Variants in LYRM2 observed in about 807,000 individuals in gnomAD.
The protein encoded by LYRM2 is LYR motif containing 2.
A neutral mutation model predicts 11.6 loss-of-function variants in LYRM2; 8 were observed. The observed-to-expected ratio is 0.69, with a 90% CI of 0.40 to 1.24. The LOEUF (loss-of-function observed/expected upper bound fraction) is 1.24, where lower values mean the gene tolerates loss of function less well. LYRM2 is among the 50% of genes most tolerant of loss of function. The probability of loss-of-function intolerance (pLI) is 0.01; values close to 1 mark genes in which losing one functional copy is unlikely to be tolerated. For synonymous variants in LYRM2, 30 were observed against 36.4 expected (o/e 0.83, Z 0.63); for missense variants, 117 against 102.9 (o/e 1.14, Z -0.59).
intron 1 of LYRM2, 158 bp downstream of exon 1, chr6:89,638,514 C>T (rs965440986): frequency 6.5e-7 from 1 of 1,540,816 alleles, no homozygotes; most frequent in Non-Finnish European, 8.8e-7. Flanking sequence ...CGTCAGGCCC[C>T]GCGGAGCGAA....
intron 2 of LYRM2, among the ~76,000 whole-genome samples, 161 bp from the exon 3 acceptor site, chr6:89,637,514 C>A (rs1378901119): frequency 1.3e-5 from 2 of 152,122 alleles, no homozygotes; most frequent in Admixed American, 1.3e-4. Flanking sequence ...AAATGTACAA[C>A]ATAAAAGTCA....
At chr6:89,638,144 C>T in intron 1 of LYRM2, 2 of 629,410 alleles carry the variant, frequency 3.2e-6, no homozygotes, top group Non-Finnish European at 4.7e-6. Flanking sequence ...CTACTGCACT[C>T]AGCCTGGGCG....
At chr6:89,637,644 T>G (rs1164378815) in intron 2 of LYRM2, 98 bp downstream of exon 2, 54 of 1,143,744 alleles carry the variant, frequency 4.7e-5, no homozygotes, top group Non-Finnish European at 6.6e-5. Flanking sequence ...ACCAGCTCAG[T>G]GGCACTATAT....
At position 89,632,597 on chromosome 6, in the gene LYRM2, A is replaced by G. The variant is rs1310954950; in HGVS notation, c.*4676T>C. The G allele has an allele frequency of 6.6e-6, 1 of 152,122 alleles. No individual in the cohort carries two copies. Among genetic ancestry groups the G allele is most frequent in the Non-Finnish European group, 1.5e-5 (1 of 68,016 alleles). The allele number at this position is 152,122 out of a possible 1,614,324, so 9.4% of individuals were successfully genotyped here. ...CAGTCCTGGCTAATTTTTTGTAGATATAAGGTCTCATGATATTGCCCAGGC... is the reference window on the plus strand; with the variant it reads ...CAGTCCTGGCTAATTTTTTGTAGATGTAAGGTCTCATGATATTGCCCAGGC... On this transcript the variant is annotated 3_prime_UTR_variant, in exon 3 of 3. Coordinates refer to ENST00000523377, the MANE Select transcript of LYRM2 (RefSeq NM_020466.5).
rs541752768 is a variant in LYRM2, at chr6:89,632,755, A to G, written c.*4518T>C. 6.6e-6 allele frequency: 1 copy of G among 152,238 alleles called. No individual in the cohort carries two copies. The highest frequency in any genetic ancestry group is 6.5e-5 in the Admixed American group (1 of 15,300). The allele number at this position is 152,238 out of a possible 1,614,324, so 9.4% of individuals were successfully genotyped here. On this transcript the variant is annotated 3_prime_UTR_variant, in exon 3 of 3. Coordinates refer to ENST00000523377, the MANE Select transcript of LYRM2 (RefSeq NM_020466.5). Reference sequence around the variant, plus strand: ...TATAGAGGCACTTTCTCATTTCCCTATTGTTCCTAATACAGAATTGTAGAG... The same window carrying G: ...TATAGAGGCACTTTCTCATTTCCCTGTTGTTCCTAATACAGAATTGTAGAG...
At position 89,634,811 on chromosome 6, in the gene LYRM2, CAA is replaced by C. The variant is rs751143543; in HGVS notation, c.*2460_*2461del. On this transcript the variant is annotated 3_prime_UTR_variant, in exon 3 of 3. Coordinates refer to ENST00000523377, the MANE Select transcript of LYRM2 (RefSeq NM_020466.5). Reference sequence around the variant, plus strand: ...TGGCACTTTTTTATTTTTTTTGAGACAAGAGTCTCACTCTTTCGCCCAGGCTG... The same window carrying C: ...TGGCACTTTTTTATTTTTTTTGAGACGAGTCTCACTCTTTCGCCCAGGCTG... 6 of 152,080 alleles carry C rather than the reference CAA, an allele frequency of 3.9e-5. No individual in the cohort carries two copies. Among genetic ancestry groups the C allele is most frequent in the Non-Finnish European group, 7.3e-5 (5 of 68,052 alleles). 9.4% of individuals were successfully genotyped at this position (152,080 alleles called of 1,614,324 possible). A position where few individuals can be genotyped will look rare whatever the true frequency, so the allele number is the denominator to read the frequency against.
rs1430344967 is a variant in LYRM2 at position 89,638,685 on chromosome 6, A to G, written c.32T>C (p.Leu11Pro). 3 of 1,614,110 alleles carry G rather than the reference A, an allele frequency of 1.9e-6. No individual in the cohort carries two copies. Among genetic ancestry groups the G allele is most frequent in the African/African-American group, 1.3e-5 (1 of 75,048 alleles). The change falls in exon 1 of 3, where the codon CTA becomes CCA. Residue 11 changes from leucine to proline, a missense_variant. Physicochemically the swap from Leu to Pro is moderately conservative, Grantham distance 98. Coordinates refer to ENST00000523377, the MANE Select transcript of LYRM2 (RefSeq NM_020466.5). MAASRLPPAT[L>P]TLKQFVRRQQ... Reference sequence around the variant, plus strand: ...AACCGCCGGTACCTGCTTTAACGTTAGCGTCGCTGGGGGTAAGCGGGAAGC... The same window carrying G: ...AACCGCCGGTACCTGCTTTAACGTTGGCGTCGCTGGGGGTAAGCGGGAAGC...
chr6:89,633,792 CT>C lies in LYRM2; in HGVS notation c.*3480del, dbSNP rs1398335888. The stretch of plus-strand genomic sequence containing the variant: ...GTGTCTCTTCCAAGCATTAAAGATA[CT>C]ATGGATCTTAAATTCCTTATTAAAA... On this transcript the variant is annotated 3_prime_UTR_variant, in exon 3 of 3. Coordinates refer to ENST00000523377, the MANE Select transcript of LYRM2 (RefSeq NM_020466.5). 1 of 152,248 alleles carries C rather than the reference CT, an allele frequency of 6.6e-6. No homozygotes were observed. Among genetic ancestry groups the C allele is most frequent in the African/African-American group, 2.4e-5 (1 of 41,540 alleles). 9.4% of individuals were successfully genotyped at this position (152,248 alleles called of 1,614,324 possible).
rs776649200 is a variant in LYRM2 at position 89,638,697 on chromosome 6, G to C, written c.20C>G (p.Pro7Arg). The change falls in exon 1 of 3, where the codon CCC becomes CGC. Residue 7 changes from proline to arginine, a missense_variant. Pro to Arg is a moderately radical substitution (Grantham distance 103, BLOSUM62 -2). Transcript: ENST00000523377. MAASRL[P>R]PATLTLKQFV... ...CTGCTTTAACGTTAGCGTCGCTGGG[G>C]GTAAGCGGGAAGCAGCCATGTCCAC... is the stretch of plus-strand genomic sequence containing the variant. 1.2e-6 allele frequency: 2 copies of C among 1,614,148 alleles called. No homozygotes were observed. Among genetic ancestry groups the C allele is most frequent in the Non-Finnish European group, 1.7e-6 (2 of 1,179,994 alleles).
In LYRM2 at chr6:89,634,259, G is replaced by C. The variant is rs1186793989; in HGVS notation, c.*3014C>G. 1 of 152,152 alleles carries C rather than the reference G, an allele frequency of 6.6e-6. No individual in the cohort carries two copies. The highest frequency in any genetic ancestry group is 1.9e-4 in the East Asian group (1 of 5,192). The allele number at this position is 152,152 out of a possible 1,614,324, so 9.4% of individuals were successfully genotyped here. On this transcript the variant is annotated 3_prime_UTR_variant, in exon 3 of 3. Transcript: ENST00000523377. The stretch of plus-strand genomic sequence containing the variant: ...TTGTATTCTACAATACCTTTTATGA[G>C]TAAGAGTAAAACATACATTTCTTAT...
chr6:89,637,762 T>C lies in LYRM2; in HGVS notation c.166A>G (p.Asn56Asp). 1 of 1,614,054 alleles carries C rather than the reference T, an allele frequency of 6.2e-7. No homozygotes were observed. The highest frequency in any genetic ancestry group is 8.5e-7 in the Non-Finnish European group (1 of 1,179,944). ...KDWAREEFRR[N>D]KSATEEDTIR... The stretch of plus-strand genomic sequence containing the variant: ...CTCACCTCTTCGGTGGCACTTTTGT[T>C]TCTTCTGAATTCTTCTCTTGCCCAA... Residue 56 changes from asparagine to aspartate, a missense_variant, in exon 2 of 3, where the codon AAC (asparagine) becomes GAC (aspartate). Physicochemically the swap from Asn to Asp is conservative, Grantham distance 23 (BLOSUM62 1). Coordinates refer to ENST00000523377, the MANE Select transcript of LYRM2 (RefSeq NM_020466.5).
rs1224521951 is a variant in LYRM2 at position 89,637,362 on chromosome 6, TA to T, written c.187-10del. ...ATCATCCGGATTGTATCCTGTAGAATAAAGTGAAATCTGGTTATAGTTTTAC... is the reference window on the plus strand; with the variant it reads ...ATCATCCGGATTGTATCCTGTAGAATAAGTGAAATCTGGTTATAGTTTTAC... On this transcript the variant is annotated splice_polypyrimidine_tract_variant and intron_variant, in intron 2 of 2. Transcript: ENST00000523377. The T allele has an allele frequency of 6.4e-7, 1 of 1,569,734 alleles. No homozygotes were observed. Among genetic ancestry groups the T allele is most frequent in the Non-Finnish European group, 8.8e-7 (1 of 1,140,860 alleles).
At chr6:89,638,256 A>G in intron 1 of LYRM2, 1 of 1,136,392 alleles carries the variant, frequency 8.8e-7, no homozygotes, top group Non-Finnish European at 1.1e-6. Flanking sequence ...CCATTAAAAA[A>G]TCAGGAGCTG....
At chr6:89,637,975 T>C in intron 1 of LYRM2, 93 bp from the exon 2 acceptor site, 2 of 1,271,268 alleles carry the variant, frequency 1.6e-6, no homozygotes, top group Non-Finnish European at 2.2e-6. Context: ...CCAGAGTACT[T>C]CTCGTTGGTC....
In LYRM2 at chr6:89,638,720, C is replaced by A. The variant is rs1187225999; in HGVS notation, c.-4G>T. The A allele has an allele frequency of 2.5e-6, 4 of 1,613,918 alleles. No homozygotes were observed. The highest frequency in any genetic ancestry group is 1.6e-4 in the Middle Eastern group (1 of 6,084). ...GGGGTAAGCGGGAAGCAGCCATGTC[C>A]ACCAGAGGTCCGCCGGAGCCTCAGC... On this transcript the variant is annotated 5_prime_UTR_variant, in exon 1 of 3. Transcript: ENST00000523377.
chr6:89,637,618 G>T, intron 2 of LYRM2, 124 bp downstream of exon 2: 1 of 853,276 alleles, frequency 1.2e-6, no homozygotes, highest in South Asian at 2.1e-5. Context: ...AACATTACAA[G>T]CAATGATCAA....
In LYRM2 at chr6:89,635,226, A is replaced by C. The variant is rs927635444; in HGVS notation, c.*2047T>G. 1.3e-5 allele frequency: 2 copies of C among 152,230 alleles called. No individual in the cohort carries two copies. Among genetic ancestry groups the C allele is most frequent in the African/African-American group, 4.8e-5 (2 of 41,466 alleles). The allele number at this position is 152,230 out of a possible 1,614,324, so 9.4% of individuals were successfully genotyped here. ...CCATAAAAGGATGATTTTGAGTTTC[A>C]AGATTTTAGATTTACTAGAGATAGC... On this transcript the variant is annotated 3_prime_UTR_variant, in exon 3 of 3. Transcript: ENST00000523377.
rs1807926696 is a variant in LYRM2 at position 89,634,565 on chromosome 6, G to C, written c.*2708C>G. On this transcript the variant is annotated 3_prime_UTR_variant, in exon 3 of 3. Transcript: ENST00000523377. ...TCTCTCTGAAAAGTAAAAAAAATTA[G>C]CCGGTCATGGTGGCACATGCCTGTG... The C allele has an allele frequency of 6.6e-6, 1 of 151,912 alleles. No homozygotes were observed. The highest frequency in any genetic ancestry group is 1.5e-5 in the Non-Finnish European group (1 of 67,998). The allele number at this position is 151,912 out of a possible 1,614,324, so 9.4% of individuals were successfully genotyped here. A position where few individuals can be genotyped will look rare whatever the true frequency, so the allele number is the denominator to read the frequency against.
Position 89,637,920 on chromosome 6 carries a change from C to T in LYRM2, c.46-38G>A, listed in dbSNP as rs772751532. On this transcript the variant is annotated intron_variant, in intron 1 of 2. Coordinates refer to ENST00000523377, the MANE Select transcript of LYRM2 (RefSeq NM_020466.5). The stretch of plus-strand genomic sequence containing the variant: ...GGAGTAAATAGCAATTACTACTGCA[C>T]AATCGCCAGCCTGGAAAGTTCTACT... 3.2e-6 allele frequency: 5 copies of T among 1,570,454 alleles called. No individual in the cohort carries two copies. In the Admixed American group the frequency reaches 8.7e-5, roughly 27 times the overall value.
Sources: gnomAD v4.1 joint callset for allele counts (sites outside exome capture counted in the v4.1 genomes callset) on GRCh38, gnomAD v4.1.1 for gene constraint, MANE v1.5 for transcripts, NCBI Gene and HGNC (gene_info 2026-07-23, HGNC 2026-07-21) for gene names.